GOLGB1: variants seen among roughly 807,000 people sequenced by gnomAD.
GOLGB1 encodes golgin B1.
In GOLGB1, 174 loss-of-function variants were observed where a neutral mutation model predicts 336.9. That is an observed-to-expected ratio of 0.52 (90% CI 0.46 to 0.59). The LOEUF is 0.59. Among genes scored for constraint, GOLGB1 ranks in the 20% least tolerant of loss-of-function variants. GOLGB1 has a pLI of 0.00. For missense variants in GOLGB1, 3,331 were observed against 3,645.3 expected, an observed-to-expected ratio of 0.91 and a Z score of 2.22; for synonymous variants, 1,208 against 1,289.2, an observed-to-expected ratio of 0.94 and a Z score of 1.35.
At chr3:121,685,615 G>A (rs1384076278) in intron 14 of GOLGB1, among the ~76,000 whole-genome samples, 1 of 152,046 alleles carries the variant, frequency 6.6e-6, no homozygotes, top group Non-Finnish European at 1.5e-5. Context: ...TGAAAGCAGG[G>A]AGAGTACAGA....
intron 20 of GOLGB1, among the ~76,000 whole-genome samples, chr3:121,667,007 T>C (rs1031699164): frequency 1.3e-5 from 2 of 152,192 alleles, no homozygotes; most frequent in Admixed American, 6.5e-5. Context: ...TGTCTGTGAC[T>C]GGGAGGGGAA....
rs1942492409 is a variant in GOLGB1 at position 121,692,166 on chromosome 3, T to C, written c.7198A>G (p.Ile2400Val). 1.0e-5 allele frequency: 16 copies of C among 1,606,732 alleles called. No individual in the cohort carries two copies. Among genetic ancestry groups the C allele is most frequent in the Non-Finnish European group, 1.3e-5 (15 of 1,178,184 alleles). Residue 2400 changes from isoleucine (I) to valine (V), a missense_variant, in exon 14 of 22, where the codon ATC becomes GTC. Transcript: ENST00000614479. ...CGCAGTTCAGCAATAGCTACTTGGA[T>C]TGCCTCTTCCTTGCCAGAAAGCAGG... is the stretch of plus-strand genomic sequence containing the variant. ...ISLLSGKEEA[I>V]QVAIAELRQQ...
chr3:121,732,739 A>G (rs766822157), intron 1 of GOLGB1, among the ~76,000 whole-genome samples: 1 of 152,192 alleles, frequency 6.6e-6, no homozygotes, highest in Non-Finnish European at 1.5e-5. Flanking sequence ...CAACCTAATA[A>G]AGGGCATCTT....
In GOLGB1 at chr3:121,665,891, T is replaced by C. The variant is rs1010533655; in HGVS notation, c.9555-860A>G. ...CCCCGGGAGAGAAGAAACACCTTAATCCAATTTGTGAGTCTAGAAAGAGAA... is the reference window on the plus strand; with the variant it reads ...CCCCGGGAGAGAAGAAACACCTTAACCCAATTTGTGAGTCTAGAAAGAGAA... On this transcript the variant is annotated intron_variant, in intron 20 of 21. Transcript: ENST00000614479. Among the ~76,000 whole-genome samples, 7 of 152,232 alleles carry C rather than the reference T, an allele frequency of 4.6e-5. No homozygotes were observed. The South Asian group carries it at 1.2e-3, about 27-fold the overall frequency.
At chr3:121,746,880 CCAGT>C (rs1947327182) in intron 1 of GOLGB1, among the ~76,000 whole-genome samples, 1 of 151,486 alleles carries the variant, frequency 6.6e-6, no homozygotes, top group Non-Finnish European at 1.5e-5. Context: ...AGTAATTTCC[CCAGT>C]CACATAGTTC....
intron 14 of GOLGB1, among the ~76,000 whole-genome samples, chr3:121,684,787 A>G (rs186805280): frequency 6.6e-6 from 1 of 152,356 alleles, no homozygotes; most frequent in East Asian, 1.9e-4. Flanking sequence ...TGAATGATTT[A>G]TTCCAGGAAA....
chr3:121,711,763 G>T (rs1944377083), intron 10 of GOLGB1, among the ~76,000 whole-genome samples: 1 of 152,122 alleles, frequency 6.6e-6, no homozygotes, highest in Non-Finnish European at 1.5e-5. Flanking sequence ...CAGAATAAAT[G>T]TTATAATGTG....
chr3:121,664,384 A>C lies in GOLGB1; in HGVS notation c.*96T>G. 2 of 1,113,296 alleles carry C rather than the reference A, an allele frequency of 1.8e-6. No homozygotes were observed. The highest frequency in any genetic ancestry group is 2.7e-6 in the Non-Finnish European group (2 of 735,018). The allele number at this position is 1,113,296 out of a possible 1,614,324, so 69.0% of individuals were successfully genotyped here. A position where few individuals can be genotyped will look rare whatever the true frequency, so the allele number is the denominator to read the frequency against. On this transcript the variant is annotated 3_prime_UTR_variant, in exon 22 of 22. Transcript: ENST00000614479. ...TGAAGAGTTGGAGAGAAGACCTGTA[A>C]ATGGGAAGACTGTTCCACTGGAATT... is the stretch of plus-strand genomic sequence containing the variant.
At chr3:121,687,740 T>C (rs1312274231) in intron 14 of GOLGB1, among the ~76,000 whole-genome samples, 1 of 152,192 alleles carries the variant, frequency 6.6e-6, no homozygotes, top group Admixed American at 6.5e-5. Flanking sequence ...GAATTAAACA[T>C]AGTTAGCTAA....
rs1340933615 is a variant in GOLGB1 at position 121,697,147 on chromosome 3, T to A, written c.3376A>T (p.Ile1126Phe). The change falls in exon 13 of 22, where the codon ATT (isoleucine) becomes TTT (phenylalanine). Residue 1126 changes from isoleucine (I) to phenylalanine (F), a missense_variant. Transcript: ENST00000614479. The stretch of plus-strand genomic sequence containing the variant: ...TTACTTGTGATTAACTTCTGGATAA[T>A]TGCTTGGTTTTCACTGATTTCTGCT... ...LQAEISENQA[I>F]IQKLITSNTD... The A allele has an allele frequency of 3.7e-6, 6 of 1,614,132 alleles. No homozygotes were observed. Among genetic ancestry groups the A allele is most frequent in the Non-Finnish European group, 4.2e-6 (5 of 1,179,986 alleles).
intron 14 of GOLGB1, among the ~76,000 whole-genome samples, chr3:121,689,885 G>A (rs1426301489): frequency 9.9e-5 from 15 of 152,210 alleles, no homozygotes; most frequent in African/African-American, 2.7e-4. Flanking sequence ...CTACTTGGGC[G>A]GCTGAGGCAG....
Position 121,692,186 on chromosome 3 carries a change from A to C in GOLGB1, c.7178T>G (p.Leu2393Arg), listed in dbSNP as rs1225401992. The C allele has an allele frequency of 6.2e-7, 1 of 1,603,576 alleles. No individual in the cohort carries two copies. Among genetic ancestry groups the C allele is most frequent in the African/African-American group, 1.4e-5 (1 of 73,914 alleles). ...NMKEQKIISL[L>R]SGKEEAIQVA... The stretch of plus-strand genomic sequence containing the variant: ...TTGGATTGCCTCTTCCTTGCCAGAA[A>C]GCAGGCTTATAATCTTTTGCTCTTT... The change falls in exon 14 of 22, where the codon CTT becomes CGT. Residue 2393 changes from leucine (L) to arginine (R), a missense_variant. Coordinates refer to ENST00000614479, the MANE Select transcript of GOLGB1 (RefSeq NM_001366282.2).
chr3:121,701,890 A>C (rs1363021159), intron 11 of GOLGB1, among the ~76,000 whole-genome samples: 2 of 152,162 alleles, frequency 1.3e-5, no homozygotes, highest in Non-Finnish European at 2.9e-5. Flanking sequence ...AAAAGTATAC[A>C]AGGATGTTAT....
In GOLGB1 at chr3:121,691,456, A is replaced by G; in HGVS notation, c.7908T>C (p.His2636=). The change falls in exon 14 of 22, where the codon CAT becomes CAC. Residue 2636 remains histidine (H), a synonymous_variant. Transcript: ENST00000614479. The stretch of plus-strand genomic sequence containing the variant: ...CTTCTTCTTTTACTTTTAACTGGGC[A>G]TGATAGAGTCCTAAAGTACCTTCTT... The part of the protein sequence containing the change: ...LQEEGTLGLY[H]AQLKVKEEEV... 6.2e-7 allele frequency: 1 copy of G among 1,613,836 alleles called. No individual in the cohort carries two copies. The highest frequency in any genetic ancestry group is 1.1e-5 in the South Asian group (1 of 91,060).
chr3:121,685,533 C>CTAAATAAATAAA (rs113841968), intron 14 of GOLGB1, among the ~76,000 whole-genome samples: 46 of 145,658 alleles, frequency 3.2e-4, no homozygotes, highest in East Asian at 2.0e-3. Flanking sequence ...GACTCTGTTT[C>CTAAATAAATAAA]TAAATAAATA....
Position 121,691,102 on chromosome 3 carries a change from A to T in GOLGB1, c.8262T>A (p.His2754Gln), listed in dbSNP as rs983851079. 36 of 1,613,974 alleles carry T rather than the reference A, an allele frequency of 2.2e-5. No homozygotes were observed. The highest frequency in any genetic ancestry group is 1.2e-4 in the Admixed American group (7 of 60,002). The change falls in exon 14 of 22, where the codon CAT becomes CAA. Residue 2754 changes from histidine (H) to glutamine (Q), a missense_variant. Physicochemically the swap from His to Gln is conservative, Grantham distance 24. Coordinates refer to ENST00000614479, the MANE Select transcript of GOLGB1 (RefSeq NM_001366282.2). ...TCAGTTCATCAAGTTCCTCATTGGC[A>T]TGATCTCTACTATTTTGCAAGGAAC... is the stretch of plus-strand genomic sequence containing the variant. ...SMSSLQNSRD[H>Q]ANEELDELKR...
Position 121,730,882 on chromosome 3 carries a change from T to A in GOLGB1, c.90A>T (p.Leu30=), listed in dbSNP as rs368411279. 1.4e-5 allele frequency: 23 copies of A among 1,612,110 alleles called. No homozygotes were observed. Among genetic ancestry groups the A allele is most frequent in the African/African-American group, 2.7e-5 (2 of 74,830 alleles). ...DDTDQNMRAP[L]DPELHQESDM... ...TCAGAACAGAACTACTCACAGGGTC[T>A]AGGGGAGCCCTCATATTCTGATCAG... The change falls in exon 2 of 22, where the codon CTA becomes CTT. Residue 30 remains leucine, a synonymous_variant. Coordinates refer to ENST00000614479, the MANE Select transcript of GOLGB1 (RefSeq NM_001366282.2).
chr3:121,704,249 T>C (rs1038476231), intron 10 of GOLGB1, among the ~76,000 whole-genome samples: 2 of 151,480 alleles, frequency 1.3e-5, no homozygotes, highest in Non-Finnish European at 2.9e-5. Flanking sequence ...TTTTAAGAAA[T>C]GGCCAAAAAT....
chr3:121,730,617 ACT>A (rs1175799815), intron 2 of GOLGB1, among the ~76,000 whole-genome samples: 18 of 152,164 alleles, frequency 1.2e-4, no homozygotes, highest in Admixed American at 1.2e-3. Flanking sequence ...GACTTAAAAC[ACT>A]CTGGCACCAA....
Sources: allele counts gnomAD v4.1 joint callset (sites outside exome capture counted in the v4.1 genomes callset), GRCh38; gene constraint gnomAD v4.1.1; transcripts MANE v1.5; gene names NCBI Gene and HGNC (gene_info 2026-07-23, HGNC 2026-07-21).